Variants in ZNF410 observed in about 807,000 individuals in gnomAD.
ZNF410 encodes the protein another partner for ARF 1.
ZNF410 carries 18 observed loss-of-function variants against 54.8 expected under a neutral mutation model. The ratio of observed to expected loss-of-function variants is 0.33; its 90% CI spans 0.23 to 0.49. ZNF410 has a LOEUF of 0.49. ZNF410 is among the 20% of genes least tolerant of loss of function. The pLI is 0.99. For missense variants in ZNF410, 405 were observed against 569.6 expected (o/e 0.71, Z 2.94); for synonymous variants, 191 against 207.3 (o/e 0.92, Z 0.68).
intron 7 of ZNF410, 99 bp downstream of exon 7, chr14:73,905,182 C>T (rs2055462370): frequency 7.6e-7 from 1 of 1,311,830 alleles, no homozygotes; most frequent in African/African-American, 1.5e-5. Flanking sequence ...AAATGAAGGT[C>T]TGGGGTTGTT....
rs1491231212 is a variant in ZNF410, at chr14:73,905,991, A to ATATATATATATATATATG, written c.913+912_913+913insTATATATATATATGTATA. Among the ~76,000 whole-genome samples, 698 of 141,292 alleles carry ATATATATATATATATATG rather than the reference A, an allele frequency of 4.9e-3. 6 individuals are homozygous for ATATATATATATATATATG. Among genetic ancestry groups the ATATATATATATATATATG allele is most frequent in the South Asian group, 0.013 (57 of 4,256 alleles). 92.7% of individuals were successfully genotyped at this position (141,292 alleles called of 152,430 possible). ...CACATATATATATATATATATATATATATACACACATACTTTTTTTTTTTT... is the reference window on the plus strand; with the variant it reads ...CACATATATATATATATATATATATATATATATATATATATATGTATACACACATACTTTTTTTTTTTT... On this transcript the variant is annotated intron_variant, in intron 7 of 11. Coordinates refer to ENST00000555044, the MANE Select transcript of ZNF410 (RefSeq NM_021188.3).
intron 8 of ZNF410, among the ~76,000 whole-genome samples, chr14:73,910,466 T>A (rs1013635164): frequency 6.6e-6 from 1 of 152,088 alleles, no homozygotes; most frequent in African/African-American, 2.4e-5. Flanking sequence ...GGTAGTGGCC[T>A]GGCGTGGTGG....
intron 8 of ZNF410, among the ~76,000 whole-genome samples, chr14:73,918,931 C>T (rs1336284948): frequency 3.4e-5 from 5 of 148,684 alleles, no homozygotes; most frequent in Non-Finnish European, 7.4e-5. Flanking sequence ...ATCTCCTGAC[C>T]TCGTGATCCT....
chr14:73,902,626 A>G (rs1398437404), intron 5 of ZNF410, among the ~76,000 whole-genome samples: 1 of 152,136 alleles, frequency 6.6e-6, no homozygotes, highest in Non-Finnish European at 1.5e-5. Flanking sequence ...TGAGGGGGAA[A>G]TTTGGAGATA....
Position 73,909,378 on chromosome 14 carries a change from C to T in ZNF410, c.951C>T (p.Gly317=), listed in dbSNP as rs1233890039. 1.9e-6 allele frequency: 3 copies of T among 1,614,074 alleles called. No homozygotes were observed. Among genetic ancestry groups the T allele is most frequent in the Non-Finnish European group, 2.5e-6 (3 of 1,179,992 alleles). The change falls in exon 8 of 12, where the codon GGC becomes GGT. Residue 317 remains glycine, a synonymous_variant. Coordinates refer to ENST00000555044, the MANE Select transcript of ZNF410 (RefSeq NM_021188.3). The part of the protein sequence containing the change: ...KPFLCEAQGC[G]RSFAEYSSLR... Reference sequence around the variant, plus strand: ...TCCTTTGTGAAGCCCAAGGATGTGGCCGTTCCTTTGCTGAGTATTCTAGCC... The same window carrying T: ...TCCTTTGTGAAGCCCAAGGATGTGGTCGTTCCTTTGCTGAGTATTCTAGCC...
intron 2 of ZNF410, among the ~76,000 whole-genome samples, chr14:73,892,497 TATG>T (rs2055246703): frequency 6.6e-6 from 1 of 151,720 alleles, no homozygotes; most frequent in South Asian, 2.1e-4. Flanking sequence ...TATACATAAA[TATG>T]AGATACATGT....
intron 1 of ZNF410, among the ~76,000 whole-genome samples, chr14:73,891,209 A>G (rs910585126): frequency 2.0e-5 from 3 of 152,026 alleles, no homozygotes; most frequent in African/African-American, 7.2e-5. Context: ...CGGTATAGCT[A>G]CGGTCATAGC....
At chr14:73,909,499 G>A in intron 8 of ZNF410, 69 bp downstream of exon 8, 2 of 1,295,116 alleles carry the variant, frequency 1.5e-6, no homozygotes, top group Non-Finnish European at 2.2e-6. Context: ...TTGTGGGGGT[G>A]ATATAAAGAC....
intron 8 of ZNF410, chr14:73,915,708 C>T (rs1245550452): frequency 6.6e-6 from 1 of 152,044 alleles, no homozygotes. Flanking sequence ...AGGAATTTAC[C>T]TTCTCTTCCT....
At chr14:73,907,809 C>T (rs950903587) in intron 7 of ZNF410, among the ~76,000 whole-genome samples, 2 of 151,766 alleles carry the variant, frequency 1.3e-5, no homozygotes, top group Non-Finnish European at 2.9e-5. Flanking sequence ...AGGAGAATCG[C>T]TTGAACCCAG....
At chr14:73,888,016 GT>G (rs2055170732) in intron 1 of ZNF410, among the ~76,000 whole-genome samples, 1 of 151,978 alleles carries the variant, frequency 6.6e-6, no homozygotes, top group South Asian at 2.1e-4. Flanking sequence ...TAAACGCGGG[GT>G]GACCAGTTAG....
At chr14:73,891,876 CTTG>C (rs1312259959) in intron 1 of ZNF410, 148 bp from the exon 2 acceptor site, 6 of 594,112 alleles carry the variant, frequency 1.0e-5, no homozygotes, top group Non-Finnish European at 1.5e-5. Flanking sequence ...GCCTGTTGAG[CTTG>C]TTGTATTTTA....
intron 3 of ZNF410, among the ~76,000 whole-genome samples, chr14:73,894,828 T>A (rs1220041665): frequency 6.6e-6 from 1 of 152,074 alleles, no homozygotes; most frequent in African/African-American, 2.4e-5. Flanking sequence ...TCTGAGATAT[T>A]TGAGGGTTGC....
chr14:73,891,926 C>T (rs1595383498), intron 1 of ZNF410, 101 bp from the exon 2 acceptor site: 5 of 608,858 alleles, frequency 8.2e-6, no homozygotes, highest in Non-Finnish European at 1.2e-5. Context: ...TATTTGCTTG[C>T]TTGTTGTGAT....
chr14:73,918,600 G>A lies in ZNF410; in HGVS notation c.1004-2380G>A, dbSNP rs1302197237. On this transcript the variant is annotated intron_variant, in intron 8 of 11. Coordinates refer to ENST00000555044, the MANE Select transcript of ZNF410 (RefSeq NM_021188.3). ...AAGAAGTCCCATTATTAGTATCATT[G>A]ACCATGTCTCTCTTTCTCCAGCCCC... is the stretch of plus-strand genomic sequence containing the variant. 2.0e-5 allele frequency among the ~76,000 whole-genome samples: 3 copies of A among 150,290 alleles called. No individual in the cohort carries two copies. In the East Asian group the frequency reaches 5.9e-4, roughly 29 times the overall value.
At chr14:73,905,170 A>G in intron 7 of ZNF410, 87 bp downstream of exon 7, 1 of 1,409,622 alleles carries the variant, frequency 7.1e-7, no homozygotes, top group Non-Finnish European at 9.6e-7. Flanking sequence ...AAGTGGGAAT[A>G]GAAATGAAGG....
At chr14:73,905,968 C>CATACACAT (rs1555353430) in intron 7 of ZNF410, among the ~76,000 whole-genome samples, 4 of 78,934 alleles carry the variant, frequency 5.1e-5, no homozygotes, top group Admixed American at 1.1e-4. Flanking sequence ...CACACACACA[C>CATACACAT]ATATATATAT....
intron 7 of ZNF410, among the ~76,000 whole-genome samples, chr14:73,907,673 C>T (rs1594755191): frequency 6.6e-6 from 1 of 152,092 alleles, no homozygotes; most frequent in East Asian, 1.9e-4. Context: ...GAGTGGATCA[C>T]CTGAGGTCAG....
Position 73,901,077 on chromosome 14 carries a change from A to T in ZNF410, c.580+2815A>T, listed in dbSNP as rs550784862. On this transcript the variant is annotated intron_variant, in intron 5 of 11. Coordinates refer to ENST00000555044, the MANE Select transcript of ZNF410 (RefSeq NM_021188.3). ...CTAGCATAGTTTTTCAGAGCATGTT[A>T]TCTTCACTTACAGTCTAAGTTGTTT... is the stretch of plus-strand genomic sequence containing the variant. 1.2e-4 allele frequency among the ~76,000 whole-genome samples: 19 copies of T among 152,366 alleles called. No individual in the cohort carries two copies. The South Asian group carries it at 3.9e-3, about 32-fold the overall frequency.
Sources: allele counts gnomAD v4.1 joint callset (sites outside exome capture counted in the v4.1 genomes callset), GRCh38; gene constraint gnomAD v4.1.1; transcripts MANE v1.5; gene names NCBI Gene and HGNC (gene_info 2026-07-23, HGNC 2026-07-21).